The following HIVEP3 variants were observed in gnomAD, a reference collection of about 807,000 sequenced individuals.
HIVEP3 encodes transcription factor HIVEP3.
A neutral mutation model predicts 152.8 loss-of-function variants in HIVEP3; 49 were observed. That is an observed-to-expected ratio of 0.32 (90% confidence interval 0.26 to 0.41). The LOEUF (loss-of-function observed/expected upper bound fraction) is 0.41, where lower values mean the gene tolerates loss of function less well. Ranked by LOEUF, HIVEP3 falls within the 10% of genes least tolerant of loss-of-function variation. The pLI, the probability that HIVEP3 is intolerant of heterozygous loss-of-function variation, is 1.00. For synonymous variants in HIVEP3, 1,269 were observed against 1,289.0 expected, an observed-to-expected ratio of 0.98 and a Z score of 0.33; for missense variants, 2,790 against 3,103.3, an observed-to-expected ratio of 0.90 and a Z score of 2.40.
intron 1 of HIVEP3, among the ~76,000 whole-genome samples, chr1:41,744,550 T>C (rs912113110): frequency 2.6e-5 from 4 of 152,210 alleles, no homozygotes; most frequent in Non-Finnish European, 5.9e-5. Context: ...TCAGAAGCTA[T>C]GTTTTGGTAT....
intron 2 of HIVEP3, among the ~76,000 whole-genome samples, chr1:41,668,141 G>A (rs528215247): frequency 2.6e-5 from 4 of 152,324 alleles, no homozygotes; most frequent in Non-Finnish European, 4.4e-5. Flanking sequence ...AGCCCAGGGC[G>A]AAGGGCTGGG....
rs771466594 is a variant in HIVEP3, at chr1:41,582,311, T to C, written c.2487A>G (p.Pro829=). 3.7e-6 allele frequency: 6 copies of C among 1,613,910 alleles called. No homozygotes were observed. In the Admixed American group the frequency reaches 5.0e-5, roughly 13 times the overall value. The change falls in exon 4 of 9, where the codon CCA becomes CCG. Residue 829 remains proline, a synonymous_variant. Coordinates refer to ENST00000372583, the MANE Select transcript of HIVEP3 (RefSeq NM_024503.5). The surrounding 1 kb of genome is among the most constrained non-coding windows in gnomAD (Gnocchi z 4.7). ...GTCCGTGTGGGGCAGGTGGGGGTGA[T>C]GGGAACTGGGCCAGAGGTTTGTCTT... ...EGEDKPLAQF[P]SPPPAPHGRS... is the part of the protein sequence containing the mutation.
At chr1:41,766,797 A>T (rs548194969) in intron 1 of HIVEP3, among the ~76,000 whole-genome samples, 49 of 152,030 alleles carry the variant, frequency 3.2e-4, no homozygotes, top group Non-Finnish European at 6.6e-4. Context: ...CACTTAATGG[A>T]CTCCAACATA....
At chr1:41,795,595 T>C (rs773520597) in intron 1 of HIVEP3, among the ~76,000 whole-genome samples, 10 of 152,244 alleles carry the variant, frequency 6.6e-5, no homozygotes, top group Non-Finnish European at 1.3e-4. Flanking sequence ...GAGTAGTATA[T>C]ATCTAGAATT....
At chr1:41,820,355 G>T (rs1169203560) in intron 1 of HIVEP3, among the ~76,000 whole-genome samples, 2 of 152,092 alleles carry the variant, frequency 1.3e-5, no homozygotes, top group Non-Finnish European at 2.9e-5. Flanking sequence ...ATGACCATAG[G>T]TCCCTGTTTG....
intron 5 of HIVEP3, among the ~76,000 whole-genome samples, chr1:41,532,890 C>T (rs12117690): frequency 0.19 from 29,581 of 152,058 alleles, 3,430 homozygotes; most frequent in Non-Finnish European, 0.28. Flanking sequence ...GTAGTGCCGA[C>T]GGCAGAGACC....
Position 41,582,785 on chromosome 1 carries a change from G to A in HIVEP3, c.2013C>T (p.Ile671=), listed in dbSNP as rs9943082. ...GGGTGCCTGCAGAGATGGGCTTTGC[G>A]ATCTGAAGCTCTGAGCAGTAGTATT... ...HKKYYCSELQ[I]AKPISAGTHT... The change falls in exon 4 of 9, where the codon ATC becomes ATT. Residue 671 remains isoleucine (I), a synonymous_variant. Transcript: ENST00000372583. The surrounding 1 kb of genome is among the most constrained non-coding windows in gnomAD (Gnocchi z 4.7). 3,386 of 1,614,158 alleles carry A rather than the reference G, an allele frequency of 2.1e-3. 64 individuals are homozygous for A. In the African/African-American group the frequency reaches 0.039, roughly 19 times the overall value.
intron 1 of HIVEP3, among the ~76,000 whole-genome samples, chr1:41,960,174 G>A (rs1645162018): frequency 6.6e-6 from 1 of 152,204 alleles, no homozygotes; most frequent in Non-Finnish European, 1.5e-5. Flanking sequence ...TTAGCCAGAA[G>A]TGCTAGCCAA....
chr1:42,035,398 T>A (rs890914314), intron 1 of HIVEP3, among the ~76,000 whole-genome samples: 1 of 152,212 alleles, frequency 6.6e-6, no homozygotes, highest in African/African-American at 2.4e-5. Context: ...TCTCCCCGCA[T>A]CTCTCAGACG....
intron 2 of HIVEP3, among the ~76,000 whole-genome samples, chr1:41,641,550 G>C (rs1645372974): frequency 6.6e-6 from 1 of 152,258 alleles, no homozygotes; most frequent in Non-Finnish European, 1.5e-5. Flanking sequence ...CTGCTGTGGT[G>C]TTCTTCCTTT....
At chr1:41,550,533 CTGTTT>C (rs1643883403) in intron 5 of HIVEP3, among the ~76,000 whole-genome samples, 1 of 152,114 alleles carries the variant, frequency 6.6e-6, no homozygotes, top group Non-Finnish European at 1.5e-5. Flanking sequence ...TGTTTGTGTC[CTGTTT>C]TATTTCATTG....
At chr1:41,834,121 G>A (rs896988634) in intron 1 of HIVEP3, among the ~76,000 whole-genome samples, 1 of 152,174 alleles carries the variant, frequency 6.6e-6, no homozygotes, top group African/African-American at 2.4e-5. Flanking sequence ...TCTGGGCCTG[G>A]GGCTGGGTCT....
intron 5 of HIVEP3, among the ~76,000 whole-genome samples, chr1:41,545,639 C>A (rs1269720109): frequency 7.6e-6 from 1 of 132,096 alleles, no homozygotes; most frequent in African/African-American, 2.9e-5. Flanking sequence ...CCACCATCAC[C>A]ACCATCACCA....
intron 1 of HIVEP3, among the ~76,000 whole-genome samples, chr1:41,722,403 G>GCCTTCCTTCCTT (rs374319014): frequency 0.051 from 5,773 of 112,864 alleles, 284 homozygotes; most frequent in African/African-American, 0.1. Flanking sequence ...AATTTGGCTG[G>GCCTTCCTTCCTT]CCTTCCTTCC....
chr1:41,522,206 C>T (rs535684405), intron 6 of HIVEP3, among the ~76,000 whole-genome samples: 10 of 152,180 alleles, frequency 6.6e-5, no homozygotes, highest in Non-Finnish European at 1.3e-4. Flanking sequence ...TGATGGCTGA[C>T]GGGGCCCAGC....
chr1:41,620,946 G>A (rs1645038641), intron 3 of HIVEP3, among the ~76,000 whole-genome samples: 1 of 152,174 alleles, frequency 6.6e-6, no homozygotes, highest in South Asian at 2.1e-4. Flanking sequence ...AGGACCACCC[G>A]AGGCCCTGAG....
At chr1:41,859,842 G>A (rs1398391327) in intron 1 of HIVEP3, among the ~76,000 whole-genome samples, 1 of 152,152 alleles carries the variant, frequency 6.6e-6, no homozygotes, top group African/African-American at 2.4e-5. Flanking sequence ...GCCTGTTCAT[G>A]TTTAAAAAGG....
At chr1:41,811,435 C>A (rs1211239009) in intron 1 of HIVEP3, among the ~76,000 whole-genome samples, 1 of 151,796 alleles carries the variant, frequency 6.6e-6, no homozygotes, top group Non-Finnish European at 1.5e-5. Flanking sequence ...CATAGAAACA[C>A]AACAATAACA....
At chr1:41,571,491 G>C (rs1033596345) in intron 5 of HIVEP3, among the ~76,000 whole-genome samples, 1 of 152,200 alleles carries the variant, frequency 6.6e-6, no homozygotes, top group East Asian at 1.9e-4. Flanking sequence ...TGGAAGTGAT[G>C]GGGAATGCAG....
Sources: gnomAD v4.1 joint callset for allele counts (sites outside exome capture counted in the v4.1 genomes callset) on GRCh38, gnomAD v4.1.1 for gene constraint, Gnocchi (gnomAD v3.1) non-coding constraint, MANE v1.5 for transcripts, NCBI Gene and HGNC (gene_info 2026-07-23, HGNC 2026-07-21) for gene names.